Variants in CTTNBP2 observed in about 807,000 individuals in gnomAD.
CTTNBP2 encodes the protein cortactin binding protein 2.
In CTTNBP2, 108 loss-of-function variants were observed where a neutral mutation model predicts 156.9. That is an observed-to-expected ratio of 0.69 (90% confidence interval 0.59 to 0.81). The LOEUF is 0.81. Among genes scored for constraint, CTTNBP2 ranks in the 30% least tolerant of loss-of-function variants. The pLI is 0.00. For synonymous variants in CTTNBP2, 767 were observed against 751.8 expected (o/e 1.02, Z -0.33); for missense variants, 1,924 against 2,035.4 (o/e 0.95, Z 1.05).
intron 2 of CTTNBP2, among the ~76,000 whole-genome samples, chr7:117,851,396 C>T (rs1231017544): frequency 6.6e-6 from 1 of 152,212 alleles, no homozygotes; most frequent in South Asian, 2.1e-4. Context: ...CCCTCACACA[C>T]ACACAACAAA....
In CTTNBP2 at chr7:117,749,882, G is replaced by C. The variant is rs1030954714; in HGVS notation, c.3349-3783C>G. ...TTCAGTTCTATTTTTCTGTGACTGA[G>C]GTTTTGTCAGTTTTCAAAAGTACTT... On this transcript the variant is annotated intron_variant, in intron 12 of 22. Transcript: ENST00000160373. 6.6e-5 allele frequency among the ~76,000 whole-genome samples: 10 copies of C among 152,108 alleles called. No individual in the cohort carries two copies. The South Asian group carries it at 2.1e-3, about 32-fold the overall frequency.
At chr7:117,812,159 AC>A (rs1389272519) in intron 2 of CTTNBP2, among the ~76,000 whole-genome samples, 1 of 152,012 alleles carries the variant, frequency 6.6e-6, no homozygotes, top group African/African-American at 2.4e-5. Context: ...CGCAATGAGG[AC>A]CAAATGCAAT....
chr7:117,817,059 C>T (rs944935078), intron 2 of CTTNBP2, among the ~76,000 whole-genome samples: 6 of 151,614 alleles, frequency 4.0e-5, no homozygotes, highest in Non-Finnish European at 5.9e-5. Context: ...TAATTTCGGC[C>T]GGGTGTGGTG....
Position 117,791,544 on chromosome 7 carries a change from C to T in CTTNBP2, c.1652G>A (p.Gly551Glu). 1.2e-6 allele frequency: 2 copies of T among 1,614,014 alleles called. No individual in the cohort carries two copies. Among genetic ancestry groups the T allele is most frequent in the Non-Finnish European group, 1.7e-6 (2 of 1,180,000 alleles). ...NPPPIPPKKP[G>E]LSQTPSPPHP... is the part of the protein sequence containing the mutation. Reference sequence around the variant, plus strand: ...TGGTGGAGAAGGAGTTTGGGAGAGCCCTGGCTTTTTTGGAGGGATAGGAGG... The same window carrying T: ...TGGTGGAGAAGGAGTTTGGGAGAGCTCTGGCTTTTTTGGAGGGATAGGAGG... Residue 551 changes from glycine to glutamate, a missense_variant, in exon 4 of 23, where the codon GGG becomes GAG. Gly to Glu is a moderately conservative substitution (Grantham distance 98). Transcript: ENST00000160373.
At chr7:117,711,913 G>T (rs769995938) in intron 22 of CTTNBP2, 131 bp from the exon 23 acceptor site, 2 of 835,878 alleles carry the variant, frequency 2.4e-6, no homozygotes, top group East Asian at 2.6e-5. Context: ...AAAATCAAAA[G>T]AAAATGGAGA....
Position 117,745,915 on chromosome 7 carries a change from C to A in CTTNBP2, c.3451G>T (p.Ala1151Ser), listed in dbSNP as rs758948004. 2.5e-6 allele frequency: 4 copies of A among 1,613,954 alleles called. No individual in the cohort carries two copies. Among genetic ancestry groups the A allele is most frequent in the Non-Finnish European group, 1.7e-6 (2 of 1,179,944 alleles). ...ALCLKHRQMAAGFSCEIVRAE... is the reference protein window; with the variant it reads ...ALCLKHRQMASGFSCEIVRAE... ...CTCACTATTTCACAGGAGAATCCTG[C>A]AGCCATTTGTCTGTGCTGTGATAAG... is the stretch of plus-strand genomic sequence containing the variant. The change falls in exon 14 of 23, where the codon GCA becomes TCA. Residue 1151 changes from alanine to serine, a missense_variant. Coordinates refer to ENST00000160373, the MANE Select transcript of CTTNBP2 (RefSeq NM_033427.3).
At chr7:117,715,125 G>A (rs1427720295) in intron 22 of CTTNBP2, among the ~76,000 whole-genome samples, 1 of 152,154 alleles carries the variant, frequency 6.6e-6, no homozygotes, top group Admixed American at 6.5e-5. Context: ...CCTCTAGATG[G>A]GAAAGTTAGG....
At chr7:117,819,531 G>T (rs781203243) in intron 2 of CTTNBP2, among the ~76,000 whole-genome samples, 15 of 151,914 alleles carry the variant, frequency 9.9e-5, no homozygotes, top group Non-Finnish European at 1.6e-4. Flanking sequence ...AAATTCACTG[G>T]CCAGGAATGA....
Position 117,728,217 on chromosome 7 carries a change from G to A in CTTNBP2, c.3927C>T (p.Asp1309=). The change falls in exon 17 of 23, where the codon GAC becomes GAT. Residue 1309 remains aspartate, a synonymous_variant. Coordinates refer to ENST00000160373, the MANE Select transcript of CTTNBP2 (RefSeq NM_033427.3). ...GCTGACGCCAGACGGACAGAGCCCA[G>A]TCGACAATCTTGCACACAGGATCGC... ...SPCDPVCKIV[D]WALSVWRQLN... is the part of the protein sequence containing the mutation. 6.2e-7 allele frequency: 1 copy of A among 1,614,178 alleles called. No homozygotes were observed. Among genetic ancestry groups the A allele is most frequent in the Non-Finnish European group, 8.5e-7 (1 of 1,180,002 alleles).
At chr7:117,734,687 A>G (rs913039842) in intron 16 of CTTNBP2, among the ~76,000 whole-genome samples, 1 of 152,254 alleles carries the variant, frequency 6.6e-6, no homozygotes, top group African/African-American at 2.4e-5. Flanking sequence ...AGATTCCTTG[A>G]GAACAGCTGA....
chr7:117,807,299 A>ATG (rs1305939632), intron 3 of CTTNBP2, among the ~76,000 whole-genome samples: 3 of 152,214 alleles, frequency 2.0e-5, no homozygotes, highest in Non-Finnish European at 2.9e-5. Flanking sequence ...ATTCTCTACC[A>ATG]TGGTATTACT....
intron 2 of CTTNBP2, among the ~76,000 whole-genome samples, chr7:117,854,079 C>G: frequency 6.6e-6 from 1 of 152,308 alleles, no homozygotes; most frequent in Middle Eastern, 3.4e-3. Flanking sequence ...GCTATTTGTT[C>G]TTTCTGAAAA....
At position 117,820,719 on chromosome 7, in the gene CTTNBP2, C is replaced by T. The variant is rs145907520; in HGVS notation, c.190-9730G>A. 7.3e-3 allele frequency among the ~76,000 whole-genome samples: 1,109 copies of T among 152,230 alleles called. 19 individuals carry two copies. The highest frequency in any genetic ancestry group is 0.025 in the African/African-American group (1,051 of 41,540). On this transcript the variant is annotated intron_variant, in intron 2 of 22. Coordinates refer to ENST00000160373, the MANE Select transcript of CTTNBP2 (RefSeq NM_033427.3). ...TATTTCTGGATTCTTTATTCTATTC[C>T]ATGAGGTATATGTAGGTTTCGTTGC...
chr7:117,773,699 ACACACACACC>A (rs1797929564), intron 8 of CTTNBP2, among the ~76,000 whole-genome samples: 6 of 122,996 alleles, frequency 4.9e-5, no homozygotes, highest in African/African-American at 2.2e-4. Context: ...ACACACACAC[ACACACACACC>A]CCAAAAAACA....
intron 22 of CTTNBP2, among the ~76,000 whole-genome samples, chr7:117,715,475 T>TAAAAAAAAG (rs1794295797): frequency 8.6e-6 from 1 of 116,392 alleles, no homozygotes; most frequent in Admixed American, 8.5e-5. Flanking sequence ...GCCCTGAAGT[T>TAAAAAAAAG]AAAAAAAAAA....
intron 1 of CTTNBP2, among the ~76,000 whole-genome samples, chr7:117,866,857 G>T (rs1166070969): frequency 1.3e-5 from 2 of 152,144 alleles, no homozygotes; most frequent in Admixed American, 1.3e-4. Context: ...AGAAGTTAGA[G>T]AAATGTATTT....
intron 3 of CTTNBP2, among the ~76,000 whole-genome samples, chr7:117,795,061 A>AT (rs1293613536): frequency 6.7e-6 from 1 of 149,948 alleles, no homozygotes; most frequent in Non-Finnish European, 1.5e-5. Context: ...CGCCCGGCTA[A>AT]TTTTTTTTGT....
Position 117,728,938 on chromosome 7 carries a change from C to T in CTTNBP2, c.3877-671G>A, listed in dbSNP as rs149849581. ...CATTTCTGAAGCTCTCTGTTTAAGC[C>T]TCACTTTCTACCGTCAGCCAGGGCT... On this transcript the variant is annotated intron_variant, in intron 16 of 22. Transcript: ENST00000160373. Among the ~76,000 whole-genome samples, 153 of 152,296 alleles carry T rather than the reference C, an allele frequency of 1.0e-3. 1 individual carries two copies. In the Middle Eastern group the frequency reaches 0.024, roughly 24 times the overall value.
At chr7:117,763,911 A>T (rs1365794286) in intron 9 of CTTNBP2, among the ~76,000 whole-genome samples, 1 of 151,524 alleles carries the variant, frequency 6.6e-6, no homozygotes, top group Non-Finnish European at 1.5e-5. Flanking sequence ...CCTATTTCCC[A>T]ATCTTCTTTT....
Sources: gnomAD v4.1 joint callset for allele counts (sites outside exome capture counted in the v4.1 genomes callset) on GRCh38, gnomAD v4.1.1 for gene constraint, MANE v1.5 for transcripts, NCBI Gene and HGNC (gene_info 2026-07-23, HGNC 2026-07-21) for gene names.